The following HDAC8 variants were observed in gnomAD, a reference collection of about 807,000 sequenced individuals.
HDAC8 encodes histone deacetylase 8.
HDAC8 carries 1 observed loss-of-function variant against 32.2 expected under a neutral mutation model. The ratio of observed to expected loss-of-function variants is 0.03; its 90% confidence interval spans 0.01 to 0.15. The LOEUF (loss-of-function observed/expected upper bound fraction) is 0.15, where lower values mean the gene tolerates loss of function less well. HDAC8 is among the 10% of genes least tolerant of loss of function. The probability of loss-of-function intolerance (pLI) is 1.00; values close to 1 mark genes in which losing one functional copy is unlikely to be tolerated. For missense variants in HDAC8, 117 were observed against 300.0 expected (o/e 0.39, Z 4.51); for synonymous variants, 108 against 113.9 (o/e 0.95, Z 0.33).
intron 9 of HDAC8, among the ~76,000 whole-genome samples, chrX:72,448,934 C>T (rs1555986313): frequency 1.8e-5 from 2 of 112,034 alleles, no homozygotes; most frequent in Non-Finnish European, 3.8e-5. Context: ...ACAACAGATG[C>T]TGGAGAGGAT....
rs1183028759 is a variant in HDAC8, at chrX:72,448,655, G to C, written c.1005+13349C>G. ...CATCAGAGTGAACAGACAAGTTACAGAATGGGAGAAAATTTTTGCAATCTA... is the reference window on the plus strand; with the variant it reads ...CATCAGAGTGAACAGACAAGTTACACAATGGGAGAAAATTTTTGCAATCTA... On this transcript the variant is annotated intron_variant, in intron 9 of 10. Transcript: ENST00000373573. Among the ~76,000 whole-genome samples, 4 of 112,213 alleles carry C rather than the reference G, an allele frequency of 3.6e-5. No individual in the cohort carries two copies. In the East Asian group the frequency reaches 1.1e-3, roughly 31 times the overall value.
At chrX:72,426,126 T>G (rs1316743506) in intron 9 of HDAC8, among the ~76,000 whole-genome samples, 1 of 112,313 alleles carries the variant, frequency 8.9e-6, no homozygotes, top group Non-Finnish European at 1.9e-5. Context: ...TTAAGACAGC[T>G]CTCTCTTTCC....
At chrX:72,446,700 T>C (rs1033252041) in intron 9 of HDAC8, among the ~76,000 whole-genome samples, 1 of 108,252 alleles carries the variant, frequency 9.2e-6, no homozygotes, top group Admixed American at 9.9e-5. Context: ...AAGAGACTAA[T>C]AAAGAGGAAA....
At chrX:72,436,487 C>A (rs2046954419) in intron 9 of HDAC8, among the ~76,000 whole-genome samples, 1 of 110,715 alleles carries the variant, frequency 9.0e-6, no homozygotes, top group African/African-American at 3.3e-5. Flanking sequence ...GTGAAAATAT[C>A]CTTCAGGAGT....
At chrX:72,570,051 C>T (rs1442825375) in intron 2 of HDAC8, among the ~76,000 whole-genome samples, 1 of 111,932 alleles carries the variant, frequency 8.9e-6, no homozygotes, top group African/African-American at 3.2e-5. Context: ...TGAATGAATA[C>T]GACTATACAG....
intron 4 of HDAC8, among the ~76,000 whole-genome samples, chrX:72,558,641 C>T (rs1190123888): frequency 2.7e-5 from 3 of 111,184 alleles, no homozygotes; most frequent in Non-Finnish European, 3.8e-5. Context: ...TTATACTGAA[C>T]GGGCAAAAGT....
chrX:72,465,297 A>T (rs2047988109), intron 7 of HDAC8, among the ~76,000 whole-genome samples: 1 of 111,945 alleles, frequency 8.9e-6, no homozygotes, highest in African/African-American at 3.2e-5. Context: ...AGGGTATTGT[A>T]GGGAAGGTAA....
chrX:72,558,710 A>G (rs978408667), intron 4 of HDAC8, among the ~76,000 whole-genome samples: 1 of 110,888 alleles, frequency 9.0e-6, no homozygotes, highest in Non-Finnish European at 1.9e-5. Flanking sequence ...CACCACTTCT[A>G]TTCAACATAG....
At chrX:72,494,046 T>A (rs1901543697) in intron 5 of HDAC8, among the ~76,000 whole-genome samples, 1 of 111,729 alleles carries the variant, frequency 9.0e-6, no homozygotes, top group South Asian at 3.7e-4. Context: ...AAGCCATAGG[T>A]CAAATGCTAC....
At chrX:72,390,729 T>C (rs1555963471) in intron 9 of HDAC8, among the ~76,000 whole-genome samples, 1 of 111,205 alleles carries the variant, frequency 9.0e-6, no homozygotes, top group African/African-American at 3.3e-5. Context: ...TGTTTTAGAG[T>C]CACAATGAAA....
intron 9 of HDAC8, among the ~76,000 whole-genome samples, chrX:72,355,790 T>C (rs2044330435): frequency 8.9e-6 from 1 of 111,929 alleles, no homozygotes; most frequent in Admixed American, 9.5e-5. Context: ...TATTCCTCCA[T>C]AATCATGTTT....
chrX:72,466,404 C>A (rs1379842103), intron 7 of HDAC8, among the ~76,000 whole-genome samples: 3 of 111,988 alleles, frequency 2.7e-5, no homozygotes, highest in Non-Finnish European at 5.6e-5. Context: ...AATACAACGA[C>A]AAATGAAGTG....
At chrX:72,365,203 A>G (rs2044664379) in intron 9 of HDAC8, among the ~76,000 whole-genome samples, 1 of 111,825 alleles carries the variant, frequency 8.9e-6, no homozygotes, top group South Asian at 3.7e-4. Flanking sequence ...TTTGCACACC[A>G]TGTTGGTTCT....
At chrX:72,343,743 C>T (rs1190746326) in intron 10 of HDAC8, among the ~76,000 whole-genome samples, 4 of 112,189 alleles carry the variant, frequency 3.6e-5, no homozygotes, top group African/African-American at 9.7e-5. Context: ...TGGGCTCAAG[C>T]GATCCTCCTT....
chrX:72,445,179 C>A (rs1347015310), intron 9 of HDAC8, among the ~76,000 whole-genome samples: 16 of 110,584 alleles, frequency 1.4e-4, no homozygotes, highest in Non-Finnish European at 2.8e-4. Flanking sequence ...TTGGAAAAAA[C>A]TACTTTAAAG....
intron 9 of HDAC8, among the ~76,000 whole-genome samples, chrX:72,437,060 C>T (rs916032339): frequency 5.4e-5 from 6 of 112,090 alleles, no homozygotes; most frequent in African/African-American, 1.9e-4. Context: ...GATGGCTGAA[C>T]AAGAACAGCT....
At chrX:72,513,448 C>T (rs2049663003) in intron 4 of HDAC8, among the ~76,000 whole-genome samples, 1 of 109,754 alleles carries the variant, frequency 9.1e-6, no homozygotes. Context: ...GCCTCAGCCA[C>T]CTGAGTAGCT....
intron 4 of HDAC8, among the ~76,000 whole-genome samples, chrX:72,545,857 C>T (rs1182364672): frequency 8.9e-6 from 1 of 111,736 alleles, no homozygotes; most frequent in Non-Finnish European, 1.9e-5. Flanking sequence ...GGAGGGGTTT[C>T]CCTTGGTGTT....
At chrX:72,449,670 C>T (rs2047520677) in intron 9 of HDAC8, among the ~76,000 whole-genome samples, 1 of 110,566 alleles carries the variant, frequency 9.0e-6, no homozygotes, top group South Asian at 3.9e-4. Flanking sequence ...AGTAAATCGC[C>T]TAAACACACC....
Sources: allele counts gnomAD v4.1 joint callset (sites outside exome capture counted in the v4.1 genomes callset), GRCh38; gene constraint gnomAD v4.1.1; transcripts MANE v1.5; gene names NCBI Gene and HGNC (gene_info 2026-07-23, HGNC 2026-07-21).